The following UGT2B7 variants were observed in gnomAD, a reference collection of about 807,000 sequenced individuals.
UGT2B7 encodes UDP-glucuronosyltransferase 2B7.
Under a neutral mutation model 51.9 loss-of-function variants are expected in UGT2B7, and 51 were observed. The observed-to-expected ratio is 0.98, with a 90% confidence interval of 0.78 to 1.24. The LOEUF (loss-of-function observed/expected upper bound fraction) is 1.24. UGT2B7 is among the 50% of genes most tolerant of loss of function. The probability of loss-of-function intolerance (pLI) is 0.00; values close to 1 mark genes in which losing one functional copy is unlikely to be tolerated. For synonymous variants in UGT2B7, 225 were observed against 211.6 expected (o/e 1.06, Z -0.55); for missense variants, 727 against 628.4 (o/e 1.16, Z -1.68).
rs765384197 is a variant in UGT2B7, at chr4:69,096,776, T to A, written c.256T>A (p.Leu86Met). The part of the protein sequence containing the change: ...IYPTSLTKTE[L>M]ENFIMQQIKR... ...TCCCACATCTTTAACTAAAACTGAG[T>A]TGGAGAATTTCATCATGCAACAGAT... is the stretch of plus-strand genomic sequence containing the variant. Residue 86 changes from leucine (L) to methionine (M), a missense_variant, in exon 1 of 6, where the codon TTG becomes ATG. Physicochemically the swap from Leu to Met is conservative, Grantham distance 15 (BLOSUM62 2). Coordinates refer to ENST00000305231, the MANE Select transcript of UGT2B7 (RefSeq NM_001074.4). 3.7e-5 allele frequency: 60 copies of A among 1,613,848 alleles called. 2 individuals are homozygous for A. The highest frequency in any genetic ancestry group is 4.6e-5 in the Non-Finnish European group (54 of 1,179,946).
intron 1 of UGT2B7, among the ~76,000 whole-genome samples, chr4:69,097,924 A>G (rs1477052745): frequency 6.6e-6 from 1 of 152,062 alleles, no homozygotes; most frequent in African/African-American, 2.4e-5. Flanking sequence ...ATTAAGGTTG[A>G]GTACAAATTT....
intron 3 of UGT2B7, among the ~76,000 whole-genome samples, chr4:69,103,406 A>G (rs1000184223): frequency 2.0e-5 from 3 of 152,096 alleles, no homozygotes; most frequent in East Asian, 1.9e-4. Flanking sequence ...ATGCATGAGT[A>G]GTTCCTATTA....
chr4:69,089,098 T>G (rs948222221), intron 1 of UGT2B7, among the ~76,000 whole-genome samples: 1 of 152,182 alleles, frequency 6.6e-6, no homozygotes, highest in African/African-American at 2.4e-5. Flanking sequence ...TCTATTTTTG[T>G]GTGGGAATTA....
intron 1 of UGT2B7, among the ~76,000 whole-genome samples, chr4:69,070,939 T>A (rs1461321215): frequency 1.3e-5 from 2 of 152,134 alleles, no homozygotes; most frequent in Admixed American, 1.3e-4. Flanking sequence ...TCTTGAAAAT[T>A]TTCTTTGTTT....
intron 5 of UGT2B7, among the ~76,000 whole-genome samples, chr4:69,109,943 A>G (rs1380771922): frequency 1.3e-5 from 2 of 152,094 alleles, no homozygotes; most frequent in Non-Finnish European, 2.9e-5. Context: ...GATAGGAAAT[A>G]ATTGAAAAAG....
chr4:69,083,315 A>C (rs184357009), intron 1 of UGT2B7, among the ~76,000 whole-genome samples: 1 of 152,244 alleles, frequency 6.6e-6, no homozygotes, highest in Admixed American at 6.5e-5. Flanking sequence ...TAAGAAATAC[A>C]TTTTATAATG....
chr4:69,079,195 G>T (rs1718781241), intron 1 of UGT2B7, among the ~76,000 whole-genome samples: 1 of 152,146 alleles, frequency 6.6e-6, no homozygotes, highest in Admixed American at 6.6e-5. Flanking sequence ...TGCCATCAGG[G>T]TGTTTCCTGG....
intron 1 of UGT2B7, among the ~76,000 whole-genome samples, chr4:69,087,971 T>C (rs765515554): frequency 7.9e-5 from 12 of 152,072 alleles, no homozygotes; most frequent in Non-Finnish European, 1.8e-4. Context: ...TACTGTCATC[T>C]TTCTCTAGAT....
chr4:69,065,459 G>A (rs2109865705), intron 1 of UGT2B7, among the ~76,000 whole-genome samples: 1 of 152,184 alleles, frequency 6.6e-6, no homozygotes. Flanking sequence ...TCACAATTTT[G>A]GAAGTTTTTC....
chr4:69,102,818 CT>C lies in UGT2B7; in HGVS notation c.885del (p.Phe295LeufsTer22). 6.2e-7 allele frequency: 1 copy of C among 1,612,738 alleles called. No individual in the cohort carries two copies. Among genetic ancestry groups the C allele is most frequent in the Non-Finnish European group, 8.5e-7 (1 of 1,179,444 alleles). ...TTCTTTCTTCACAGGAAATGGAAGACTTTGTACAGAGCTCTGGAGAAAATGG... is the reference window on the plus strand; with the variant it reads ...TTCTTTCTTCACAGGAAATGGAAGACTTGTACAGAGCTCTGGAGAAAATGG... ...AKPLPKEMED[F>X]VQSSGENGVV... On this transcript the variant is annotated frameshift_variant, in exon 3 of 6. Transcript: ENST00000305231. LOFTEE classifies it high-confidence loss of function.
At chr4:69,054,732 T>C (rs1347915263) in intron 1 of UGT2B7, among the ~76,000 whole-genome samples, 2 of 151,866 alleles carry the variant, frequency 1.3e-5, no homozygotes, top group Non-Finnish European at 2.9e-5. Flanking sequence ...CAAGCCCTGC[T>C]CCAGTCACAC....
At chr4:69,090,870 T>G (rs1719070029) in intron 2 of UGT2B7, among the ~76,000 whole-genome samples, 1 of 152,184 alleles carries the variant, frequency 6.6e-6, no homozygotes, top group African/African-American at 2.4e-5. Context: ...TTAAAAGTTG[T>G]GTAAGTAAAT....
At chr4:69,056,110 T>C (rs553504549) in intron 1 of UGT2B7, among the ~76,000 whole-genome samples, 5 of 152,268 alleles carry the variant, frequency 3.3e-5, no homozygotes, top group African/African-American at 1.2e-4. Context: ...TCTTTCTTCT[T>C]ACTGCCCATA....
rs776270088 is a variant in UGT2B7, at chr4:69,098,677, C to T, written c.859C>T (p.Pro287Ser). The T allele has an allele frequency of 1.9e-6, 3 of 1,610,500 alleles. No individual in the cohort carries two copies. Among genetic ancestry groups the T allele is most frequent in the Admixed American group, 1.7e-5 (1 of 58,996 alleles). ...AGGACTCCACTGCAAACCTGCCAAA[C>T]CCCTGCCTAAGGTAAACATACTTTT... ...VGGLHCKPAKPLPKEMEDFVQ... is the reference protein window; with the variant it reads ...VGGLHCKPAKSLPKEMEDFVQ... The change falls in exon 2 of 6, where the codon CCC becomes TCC. Residue 287 changes from proline (P) to serine (S), a missense_variant. Transcript: ENST00000305231.
At chr4:69,091,709 A>G (rs984191099), upstream of UGT2B7, among the ~76,000 whole-genome samples, 5 of 152,134 alleles carry the variant, frequency 3.3e-5, no homozygotes, top group Non-Finnish European at 5.9e-5. Flanking sequence ...CTGGTTGTGC[A>G]TTCTGTGGGA....
At chr4:69,072,275 C>T (rs1026416650) in intron 1 of UGT2B7, among the ~76,000 whole-genome samples, 7 of 152,066 alleles carry the variant, frequency 4.6e-5, no homozygotes, top group Non-Finnish European at 8.8e-5. Context: ...AACACAGAAA[C>T]TCTAAGTAGT....
intron 3 of UGT2B7, among the ~76,000 whole-genome samples, chr4:69,103,974 A>G (rs1461973268): frequency 6.6e-6 from 1 of 152,150 alleles, no homozygotes; most frequent in Non-Finnish European, 1.5e-5. Context: ...AGGAGAATGA[A>G]TTCCAATCCT....
At chr4:69,089,512 C>T (rs1276364786) in exon 2 of UGT2B7, 1 of 151,828 alleles carries the variant, frequency 6.6e-6, no homozygotes, top group Non-Finnish European at 1.5e-5. Context: ...AAAGATGGCA[C>T]TGTGGTGTTT....
intron 1 of UGT2B7, among the ~76,000 whole-genome samples, chr4:69,066,010 T>A (rs1011880555): frequency 6.6e-6 from 1 of 152,186 alleles, no homozygotes; most frequent in Non-Finnish European, 1.5e-5. Context: ...AAAATATAGT[T>A]GTTCCATTTA....
Sources: allele counts gnomAD v4.1 joint callset (sites outside exome capture counted in the v4.1 genomes callset), GRCh38; gene constraint gnomAD v4.1.1; transcripts MANE v1.5; gene names NCBI Gene and HGNC (gene_info 2026-07-23, HGNC 2026-07-21).